ADAM23: variants seen among roughly 807,000 people sequenced by gnomAD.
The protein encoded by ADAM23 is disintegrin and metalloproteinase domain-containing protein 23.
A neutral mutation model predicts 120.1 loss-of-function variants in ADAM23; 33 were observed. That is an observed-to-expected ratio of 0.27 (90% CI 0.21 to 0.37). The LOEUF (loss-of-function observed/expected upper bound fraction) is 0.37, where lower values mean the gene tolerates loss of function less well. Among genes scored for constraint, ADAM23 ranks in the 10% least tolerant of loss-of-function variants. ADAM23 has a pLI of 1.00. For missense variants in ADAM23, 862 were observed against 1,058.2 expected (o/e 0.81, Z 2.57); for synonymous variants, 367 against 375.2 (o/e 0.98, Z 0.25).
intron 3 of ADAM23, among the ~76,000 whole-genome samples, chr2:206,512,434 A>G (rs532040650): frequency 6.6e-6 from 1 of 152,202 alleles, no homozygotes; most frequent in Non-Finnish European, 1.5e-5. Context: ...CTGGTTTTAG[A>G]TACTATAATC....
chr2:206,558,579 T>C (rs1478379365), intron 10 of ADAM23, among the ~76,000 whole-genome samples: 2 of 152,166 alleles, frequency 1.3e-5, no homozygotes, highest in African/African-American at 2.4e-5. Context: ...TTACACCTGG[T>C]TTATTAATTT....
intron 10 of ADAM23, among the ~76,000 whole-genome samples, chr2:206,558,397 A>G (rs1317430632): frequency 1.3e-5 from 2 of 152,190 alleles, no homozygotes; most frequent in African/African-American, 4.8e-5. Flanking sequence ...TATTTACTCC[A>G]AAGAGCTGCC....
intron 24 of ADAM23, chr2:206,607,863 A>G (rs1215073495): frequency 8.6e-6 from 3 of 348,438 alleles, no homozygotes; most frequent in African/African-American, 2.3e-5. Flanking sequence ...TCATTCAGTC[A>G]CTAAGAATTC....
At chr2:206,534,245 G>T (rs991557840) in intron 4 of ADAM23, among the ~76,000 whole-genome samples, 1 of 151,960 alleles carries the variant, frequency 6.6e-6, no homozygotes, top group African/African-American at 2.4e-5. Context: ...TGCCTATTCT[G>T]GACATAAATG....
chr2:206,458,333 A>G (rs1008230297), intron 2 of ADAM23, among the ~76,000 whole-genome samples: 2 of 136,444 alleles, frequency 1.5e-5, no homozygotes, highest in African/African-American at 5.5e-5. Flanking sequence ...TGAATAATGT[A>G]TTTCTTTCAT....
chr2:206,550,853 G>A (rs1181155539), intron 9 of ADAM23, among the ~76,000 whole-genome samples: 1 of 152,064 alleles, frequency 6.6e-6, no homozygotes. Flanking sequence ...CGCCTGCCTC[G>A]GCCTCCCAAA....
At chr2:206,484,695 A>G (rs970986546) in intron 3 of ADAM23, among the ~76,000 whole-genome samples, 2 of 152,180 alleles carry the variant, frequency 1.3e-5, no homozygotes, top group African/African-American at 2.4e-5. Context: ...CTGCAGTGAG[A>G]GAGAGGCCAT....
intron 2 of ADAM23, among the ~76,000 whole-genome samples, chr2:206,447,750 T>A (rs563006939): frequency 2.0e-5 from 3 of 152,372 alleles, no homozygotes; most frequent in African/African-American, 7.2e-5. Flanking sequence ...ATCTGTGTTA[T>A]GTACCTTTTT....
intron 9 of ADAM23, among the ~76,000 whole-genome samples, chr2:206,550,960 A>ATTC (rs1346538683): frequency 6.6e-6 from 1 of 152,206 alleles, no homozygotes; most frequent in Non-Finnish European, 1.5e-5. Flanking sequence ...TGTGGCAGTA[A>ATTC]AATGTGATTG....
intron 21 of ADAM23, among the ~76,000 whole-genome samples, chr2:206,592,273 TCTC>T (rs1265154849): frequency 6.6e-6 from 1 of 152,034 alleles, no homozygotes; most frequent in Non-Finnish European, 1.5e-5. Context: ...CTAGCCAGCT[TCTC>T]CTCACATCTT....
At position 206,588,539 on chromosome 2, in the gene ADAM23, G is replaced by A. The variant is rs563409847; in HGVS notation, c.1852+385G>A. Among the ~76,000 whole-genome samples the A allele has an allele frequency of 1.3e-4, 20 of 152,178 alleles. No individual in the cohort carries two copies. In the South Asian group the frequency reaches 2.5e-3, roughly 19 times the overall value. ...ACAAGTTAGCTTTCTGGTTTTTACC[G>A]CAGGAAAATACCAGACTTATTTTTT... is the stretch of plus-strand genomic sequence containing the variant. On this transcript the variant is annotated intron_variant, in intron 20 of 25. Transcript: ENST00000264377.
chr2:206,565,636 G>A (rs1342027498), intron 14 of ADAM23, among the ~76,000 whole-genome samples: 3 of 152,174 alleles, frequency 2.0e-5, no homozygotes, highest in Non-Finnish European at 4.4e-5. Context: ...TGTTGCTTCA[G>A]TGAACCAAGG....
At chr2:206,589,172 T>C (rs1394382848) in intron 20 of ADAM23, among the ~76,000 whole-genome samples, 1 of 152,210 alleles carries the variant, frequency 6.6e-6, no homozygotes, top group African/African-American at 2.4e-5. Context: ...TTTTTTGTAT[T>C]AGCTTGCAAG....
intron 21 of ADAM23, 56 bp from the exon 22 acceptor site, chr2:206,592,560 AT>A: frequency 6.4e-7 from 1 of 1,569,240 alleles, no homozygotes; most frequent in South Asian, 1.2e-5. Context: ...AATCGTTTTG[AT>A]TTTTTGAGCT....
intron 2 of ADAM23, among the ~76,000 whole-genome samples, chr2:206,447,584 G>A (rs904342740): frequency 6.6e-6 from 1 of 152,186 alleles, no homozygotes; most frequent in African/African-American, 2.4e-5. Context: ...TCTTGAAGTA[G>A]TTGATAAAAA....
chr2:206,457,710 T>C (rs1478217408), intron 2 of ADAM23, among the ~76,000 whole-genome samples: 1 of 152,236 alleles, frequency 6.6e-6, no homozygotes, highest in Non-Finnish European at 1.5e-5. Flanking sequence ...TCCTTCTTTC[T>C]TGTATATGGA....
chr2:206,485,144 G>T (rs1173569818), intron 3 of ADAM23, among the ~76,000 whole-genome samples: 2 of 152,214 alleles, frequency 1.3e-5, no homozygotes, highest in Non-Finnish European at 2.9e-5. Context: ...CAACCTGAGT[G>T]TGCAAGGCTG....
At chr2:206,527,693 C>T (rs944236497) in intron 3 of ADAM23, among the ~76,000 whole-genome samples, 5 of 152,146 alleles carry the variant, frequency 3.3e-5, no homozygotes, top group African/African-American at 1.2e-4. Flanking sequence ...TGATTAAGGG[C>T]CTACTATGCA....
chr2:206,583,664 C>G (rs1180228266), intron 18 of ADAM23, among the ~76,000 whole-genome samples: 1 of 151,950 alleles, frequency 6.6e-6, no homozygotes, highest in Non-Finnish European at 1.5e-5. Context: ...CTGAGACTTT[C>G]CAGAGCATTT....
Sources: gnomAD v4.1 joint callset for allele counts (sites outside exome capture counted in the v4.1 genomes callset) on GRCh38, gnomAD v4.1.1 for gene constraint, MANE v1.5 for transcripts, NCBI Gene and HGNC (gene_info 2026-07-23, HGNC 2026-07-21) for gene names.